Variants in SORCS3 observed in about 807,000 individuals in gnomAD.
SORCS3 encodes the protein VPS10 domain-containing receptor SorCS3.
Under a neutral mutation model 146.3 loss-of-function variants are expected in SORCS3, and 57 were observed. That is an observed-to-expected ratio of 0.39 (90% CI 0.31 to 0.49). The LOEUF is 0.49. Among genes scored for constraint, SORCS3 ranks in the 20% least tolerant of loss-of-function variants. SORCS3 has a pLI of 0.92. For missense variants in SORCS3, 1,341 were observed against 1,575.5 expected, an observed-to-expected ratio of 0.85 and a Z score of 2.52; for synonymous variants, 653 against 618.5, an observed-to-expected ratio of 1.06 and a Z score of -0.83.
chr10:105,225,225 T>C (rs1253140365), intron 20 of SORCS3, among the ~76,000 whole-genome samples: 1 of 152,150 alleles, frequency 6.6e-6, no homozygotes, highest in Non-Finnish European at 1.5e-5. Context: ...GTTTTACATT[T>C]AGATCTATGA....
intron 1 of SORCS3, among the ~76,000 whole-genome samples, chr10:104,742,099 A>T (rs2133461379): frequency 6.6e-6 from 1 of 151,946 alleles, no homozygotes; most frequent in East Asian, 1.9e-4. Context: ...ATATCATGAT[A>T]GTGGTGGGGG....
At chr10:104,822,791 T>C (rs949581357) in intron 1 of SORCS3, among the ~76,000 whole-genome samples, 3 of 152,196 alleles carry the variant, frequency 2.0e-5, no homozygotes, top group Non-Finnish European at 4.4e-5. Flanking sequence ...TCTGCTGTGA[T>C]ATATGGGACC....
intron 2 of SORCS3, among the ~76,000 whole-genome samples, chr10:104,864,547 T>C (rs1206028679): frequency 6.6e-6 from 1 of 152,190 alleles, no homozygotes; most frequent in East Asian, 1.9e-4. Context: ...CACTGGGTGA[T>C]ATTCTCTCTC....
chr10:105,065,667 G>C (rs1016826725), intron 5 of SORCS3, among the ~76,000 whole-genome samples: 2 of 152,162 alleles, frequency 1.3e-5, no homozygotes, highest in African/African-American at 4.8e-5. Flanking sequence ...AATACCAGCA[G>C]AGTCAGAAGT....
intron 5 of SORCS3, among the ~76,000 whole-genome samples, chr10:105,053,802 A>T (rs2133712637): frequency 6.6e-6 from 1 of 152,124 alleles, no homozygotes; most frequent in Non-Finnish European, 1.5e-5. Flanking sequence ...GATCTTCTGA[A>T]ATTTTACTAT....
intron 1 of SORCS3, among the ~76,000 whole-genome samples, chr10:104,755,120 T>C (rs1253306269): frequency 6.6e-6 from 1 of 152,170 alleles, no homozygotes; most frequent in Admixed American, 6.5e-5. Flanking sequence ...GTGTGTTAGT[T>C]TGTAATAGGG....
chr10:104,868,806 C>T (rs2018487110), intron 2 of SORCS3, among the ~76,000 whole-genome samples: 1 of 152,192 alleles, frequency 6.6e-6, no homozygotes, highest in African/African-American at 2.4e-5. Flanking sequence ...TAGCCAATCT[C>T]ATTATATTTG....
At chr10:105,136,936 G>A (rs114667445) in intron 7 of SORCS3, among the ~76,000 whole-genome samples, 241 of 152,302 alleles carry the variant, frequency 1.6e-3, no homozygotes, top group African/African-American at 5.5e-3. Flanking sequence ...CCTGGGTTGT[G>A]TGTGAGCTTT....
intron 4 of SORCS3, among the ~76,000 whole-genome samples, chr10:105,040,188 A>G (rs1396119215): frequency 6.6e-6 from 1 of 152,194 alleles, no homozygotes; most frequent in Non-Finnish European, 1.5e-5. Context: ...AATAAAATAT[A>G]TGGATATATT....
chr10:104,893,362 C>G (rs2018767723), intron 2 of SORCS3, among the ~76,000 whole-genome samples: 2 of 152,194 alleles, frequency 1.3e-5, no homozygotes, highest in Non-Finnish European at 2.9e-5. Context: ...TCGCCATATG[C>G]AAAGCATAAC....
rs1403585701 is a variant in SORCS3 at position 104,932,032 on chromosome 10, C to T, written c.795+16100C>T. Among the ~76,000 whole-genome samples, 19 of 152,184 alleles carry T rather than the reference C, an allele frequency of 1.2e-4. 1 individual carries two copies. The highest frequency in any genetic ancestry group is 1.2e-3 in the Admixed American group (19 of 15,280). On this transcript the variant is annotated intron_variant, in intron 3 of 26. Coordinates refer to ENST00000369701, the MANE Select transcript of SORCS3 (RefSeq NM_014978.3). ...CAGAAACTTAGTGTGCACGTTAGCT[C>T]TGGAAACTCAGCTTGAAATAATGAA...
chr10:105,207,076 G>A (rs2056606576), intron 16 of SORCS3, among the ~76,000 whole-genome samples: 1 of 152,078 alleles, frequency 6.6e-6, no homozygotes, highest in Admixed American at 6.6e-5. Context: ...TCCTTAATGA[G>A]CCAGTGGGTG....
In SORCS3 at chr10:105,240,518, T is replaced by C. The variant is rs555654434; in HGVS notation, c.2869-5024T>C. On this transcript the variant is annotated intron_variant, in intron 20 of 26. Transcript: ENST00000369701. Reference sequence around the variant, plus strand: ...ATGCTTGTTCTATCACATGTCTATCTGTCCATCCTTCTGCATACATCCATT... The same window carrying C: ...ATGCTTGTTCTATCACATGTCTATCCGTCCATCCTTCTGCATACATCCATT... Among the ~76,000 whole-genome samples the C allele has an allele frequency of 2.0e-4, 31 of 152,334 alleles. No homozygotes were observed. The South Asian group carries it at 6.0e-3, about 30-fold the overall frequency.
At position 105,214,591 on chromosome 10, in the gene SORCS3, C is replaced by G; in HGVS notation, c.2525C>G (p.Thr842Ser). The G allele has an allele frequency of 6.3e-7, 1 of 1,595,810 alleles. No individual in the cohort carries two copies. Among genetic ancestry groups the G allele is most frequent in the Non-Finnish European group, 8.5e-7 (1 of 1,170,724 alleles). Residue 842 changes from threonine to serine, a missense_variant, in exon 18 of 27, where the codon ACT (threonine) becomes AGT (serine). Coordinates refer to ENST00000369701, the MANE Select transcript of SORCS3 (RefSeq NM_014978.3). Reference protein sequence around the residue: ...RLVAEQGHNATFIILMEEGDL... With the variant: ...RLVAEQGHNASFIILMEEGDL... ...GTGGCAGAGCAGGGGCACAATGCAA[C>G]TTTCATCATCCTCATGGAGGAGGTA...
At chr10:105,142,674 A>T (rs1022379980) in intron 8 of SORCS3, among the ~76,000 whole-genome samples, 1 of 151,978 alleles carries the variant, frequency 6.6e-6, no homozygotes, top group African/African-American at 2.4e-5. Context: ...CCACCTGCAC[A>T]CCCTACTTTT....
intron 2 of SORCS3, among the ~76,000 whole-genome samples, chr10:104,914,627 G>A (rs1461179100): frequency 1.3e-5 from 2 of 152,190 alleles, no homozygotes; most frequent in African/African-American, 2.4e-5. Flanking sequence ...AACAGAGTGA[G>A]CACCTGTCTC....
intron 3 of SORCS3, among the ~76,000 whole-genome samples, chr10:104,926,668 G>A (rs1210529663): frequency 6.6e-6 from 1 of 152,240 alleles, no homozygotes; most frequent in African/African-American, 2.4e-5. Context: ...TGGAATGGCT[G>A]CGAATGTGCT....
intron 11 of SORCS3, 44 bp downstream of exon 11, chr10:105,159,038 T>C: frequency 7.0e-7 from 1 of 1,428,842 alleles, no homozygotes; most frequent in Non-Finnish European, 9.8e-7. Context: ...TGAGAGTGTC[T>C]AGAATAAATT....
chr10:105,031,362 C>CACACACAA (rs1045650497), intron 4 of SORCS3, among the ~76,000 whole-genome samples: 3 of 143,804 alleles, frequency 2.1e-5, no homozygotes, highest in African/African-American at 8.1e-5. Flanking sequence ...CACACACACA[C>CACACACAA]AAAAACATGT....
Sources: gnomAD v4.1 joint callset for allele counts (sites outside exome capture counted in the v4.1 genomes callset) on GRCh38, gnomAD v4.1.1 for gene constraint, MANE v1.5 for transcripts, NCBI Gene and HGNC (gene_info 2026-07-23, HGNC 2026-07-21) for gene names.